FGF14: variants seen among roughly 807,000 people sequenced by gnomAD.
FGF14 encodes fibroblast growth factor homologous factor 4.
Under a neutral mutation model 25.5 loss-of-function variants are expected in FGF14, and 5 were observed. That is an observed-to-expected ratio of 0.20 (90% CI 0.10 to 0.41). The LOEUF is 0.41. Ranked by LOEUF, FGF14 falls within the 10% of genes least tolerant of loss-of-function variation. The pLI, the probability that FGF14 is intolerant of heterozygous loss-of-function variation, is 1.00. For synonymous variants in FGF14, 138 were observed against 118.3 expected (o/e 1.17, Z -1.08); for missense variants, 222 against 320.1 (o/e 0.69, Z 2.34).
chr13:102,255,861 G>A (rs1051666260), intron 1 of FGF14, among the ~76,000 whole-genome samples: 5 of 152,210 alleles, frequency 3.3e-5, no homozygotes, highest in East Asian at 1.9e-4. Context: ...TGAGCATGCT[G>A]CTTTAGGACT....
At chr13:101,892,276 G>C (rs2029875685) in intron 1 of FGF14, among the ~76,000 whole-genome samples, 1 of 152,024 alleles carries the variant, frequency 6.6e-6, no homozygotes, top group South Asian at 2.1e-4. Flanking sequence ...TTGTTATGAA[G>C]ATTTCCATGT....
At chr13:102,197,024 G>A (rs1411142061) in intron 1 of FGF14, among the ~76,000 whole-genome samples, 3 of 151,434 alleles carry the variant, frequency 2.0e-5, no homozygotes, top group Non-Finnish European at 4.4e-5. Context: ...TCAATGATAA[G>A]GAGAGAAAAT....
intron 1 of FGF14, among the ~76,000 whole-genome samples, chr13:102,273,138 A>C (rs2053334382): frequency 6.6e-6 from 1 of 152,176 alleles, no homozygotes; most frequent in Non-Finnish European, 1.5e-5. Flanking sequence ...ACATCACTAC[A>C]TTGCATTATT....
intron 1 of FGF14, among the ~76,000 whole-genome samples, chr13:101,912,656 G>T (rs1480853386): frequency 6.6e-6 from 1 of 151,976 alleles, no homozygotes; most frequent in African/African-American, 2.4e-5. Context: ...AAATGAGGTT[G>T]TTTATGTTCT....
chr13:102,264,929 G>A (rs2052912309), intron 1 of FGF14, among the ~76,000 whole-genome samples: 1 of 152,102 alleles, frequency 6.6e-6, no homozygotes, highest in Non-Finnish European at 1.5e-5. Flanking sequence ...ATGGAGAAGA[G>A]CTGAGAGTAG....
rs1250182161 is a variant in FGF14, at chr13:102,100,223, A to G, written c.209-224927T>C. Among the ~76,000 whole-genome samples the G allele has an allele frequency of 3.3e-5, 5 of 152,212 alleles. No individual in the cohort carries two copies. In the East Asian group the frequency reaches 7.7e-4, roughly 23 times the overall value. ...GCCATGAAAGCAGAATATATATTCCAAGAGTCAAAGAAAAATTATATATGC... is the reference window on the plus strand; with the variant it reads ...GCCATGAAAGCAGAATATATATTCCGAGAGTCAAAGAAAAATTATATATGC... On this transcript the variant is annotated intron_variant, in intron 1 of 4. Transcript: ENST00000376131.
At chr13:101,984,047 TTC>T (rs1367303745) in intron 1 of FGF14, among the ~76,000 whole-genome samples, 1 of 152,226 alleles carries the variant, frequency 6.6e-6, no homozygotes, top group Non-Finnish European at 1.5e-5. Flanking sequence ...ATTACTTAGC[TTC>T]TCTTTCAGCC....
At chr13:101,828,929 A>G (rs1231524867) in intron 3 of FGF14, among the ~76,000 whole-genome samples, 1 of 152,100 alleles carries the variant, frequency 6.6e-6, no homozygotes, top group Non-Finnish European at 1.5e-5. Flanking sequence ...CTCATTACCA[A>G]TATCATACTA....
chr13:102,050,122 C>T (rs961532642), intron 1 of FGF14, among the ~76,000 whole-genome samples: 2 of 152,162 alleles, frequency 1.3e-5, no homozygotes, highest in Non-Finnish European at 2.9e-5. Context: ...AAGAGCAAGG[C>T]AAAGTCCAAG....
intron 1 of FGF14, among the ~76,000 whole-genome samples, chr13:102,057,996 A>G (rs1199458944): frequency 6.6e-6 from 1 of 152,136 alleles, no homozygotes; most frequent in Non-Finnish European, 1.5e-5. Flanking sequence ...TTGTGTCTCA[A>G]CCACCAGCTC....
chr13:102,000,453 A>C (rs2139729151), intron 1 of FGF14, among the ~76,000 whole-genome samples: 1 of 152,366 alleles, frequency 6.6e-6, no homozygotes, highest in African/African-American at 2.4e-5. Flanking sequence ...TGTATGGAAG[A>C]ATATACACCA....
intron 3 of FGF14, among the ~76,000 whole-genome samples, chr13:101,779,910 C>T (rs2039384423): frequency 6.6e-6 from 1 of 152,002 alleles, no homozygotes; most frequent in Non-Finnish European, 1.5e-5. Flanking sequence ...TTTTCTTGGA[C>T]AAATTTAAAG....
intron 3 of FGF14, among the ~76,000 whole-genome samples, chr13:101,785,623 T>A (rs1375783768): frequency 1.3e-5 from 2 of 152,078 alleles, no homozygotes; most frequent in Admixed American, 6.6e-5. Flanking sequence ...ATTTATCTAT[T>A]AACTATTATC....
At chr13:101,875,355 C>T in intron 1 of FGF14, 59 bp from the exon 2 acceptor site, 2 of 1,174,398 alleles carry the variant, frequency 1.7e-6, no homozygotes, top group South Asian at 2.5e-5. Flanking sequence ...TTTCCTTTAT[C>T]TTTTCTGTTT....
chr13:102,033,878 C>T (rs191669197), intron 1 of FGF14, among the ~76,000 whole-genome samples: 6 of 152,170 alleles, frequency 3.9e-5, no homozygotes, highest in Admixed American at 2.0e-4. Flanking sequence ...AGCATGGAGA[C>T]GTACAGTGTG....
intron 3 of FGF14, among the ~76,000 whole-genome samples, chr13:101,744,027 T>C (rs1226156902): frequency 1.3e-5 from 2 of 152,104 alleles, no homozygotes; most frequent in African/African-American, 4.8e-5. Flanking sequence ...ATTGTAAAAT[T>C]GAGATGATTC....
intron 3 of FGF14, among the ~76,000 whole-genome samples, chr13:101,811,171 A>G (rs1385700243): frequency 2.0e-5 from 3 of 152,014 alleles, no homozygotes. Context: ...TGCACATTCC[A>G]TGGGTTTGGG....
At chr13:102,398,063 A>G (rs902522737) in intron 1 of FGF14, among the ~76,000 whole-genome samples, 3 of 148,042 alleles carry the variant, frequency 2.0e-5, no homozygotes, top group African/African-American at 7.5e-5. Flanking sequence ...CTCTGATAAT[A>G]GTTGTTAGAC....
At chr13:102,244,011 T>C (rs1481369766) in intron 1 of FGF14, among the ~76,000 whole-genome samples, 1 of 152,018 alleles carries the variant, frequency 6.6e-6, no homozygotes, top group Admixed American at 6.6e-5. Flanking sequence ...CTGGGATGCT[T>C]TTCCTAATGT....
Sources: gnomAD v4.1 joint callset for allele counts (sites outside exome capture counted in the v4.1 genomes callset) on GRCh38, gnomAD v4.1.1 for gene constraint, MANE v1.5 for transcripts, NCBI Gene and HGNC (gene_info 2026-07-23, HGNC 2026-07-21) for gene names.